The following DENND1A variants were observed in gnomAD, a reference collection of about 807,000 sequenced individuals.
DENND1A encodes DENN domain-containing protein 1A.
In DENND1A, 51 loss-of-function variants were observed where a neutral mutation model predicts 113.7. The ratio of observed to expected loss-of-function variants is 0.45; its 90% CI spans 0.36 to 0.57. The LOEUF (loss-of-function observed/expected upper bound fraction) is 0.57. Among genes scored for constraint, DENND1A ranks in the 20% least tolerant of loss-of-function variants. The pLI is 0.00. For missense variants in DENND1A, 1,258 were observed against 1,395.9 expected, an observed-to-expected ratio of 0.90 and a Z score of 1.57; for synonymous variants, 565 against 570.8, an observed-to-expected ratio of 0.99 and a Z score of 0.14.
intron 5 of DENND1A, among the ~76,000 whole-genome samples, chr9:123,695,626 T>C (rs539106264): frequency 6.9e-4 from 105 of 152,220 alleles, no homozygotes; most frequent in Middle Eastern, 3.4e-3. Flanking sequence ...TCTGATACAA[T>C]CTCTAGTTTC....
intron 2 of DENND1A, among the ~76,000 whole-genome samples, chr9:123,799,045 C>T (rs1056078326): frequency 5.9e-5 from 9 of 152,064 alleles, no homozygotes; most frequent in Non-Finnish European, 8.8e-5. Context: ...TTACTTTATA[C>T]TTTGCCTAAA....
intron 2 of DENND1A, among the ~76,000 whole-genome samples, chr9:123,833,159 GA>G (rs959121345): frequency 6.8e-5 from 6 of 88,462 alleles, no homozygotes; most frequent in African/African-American, 1.7e-4. Context: ...GGAAACGAAA[GA>G]AAAAAAAACA....
Position 123,390,228 on chromosome 9 carries a change from A to G in DENND1A, c.1632-2370T>C, listed in dbSNP as rs550433082. 2.6e-5 allele frequency among the ~76,000 whole-genome samples: 4 copies of G among 152,358 alleles called. No homozygotes were observed. The East Asian group carries it at 5.8e-4, about 22-fold the overall frequency. On this transcript the variant is annotated intron_variant, in intron 21 of 23. Transcript: ENST00000394215. ...TTCTCTTTCTCCCCAGCTGGGGTAC[A>G]GCATGAATGCTGTGGAAGTTTGCGA... is the stretch of plus-strand genomic sequence containing the variant.
At chr9:123,810,510 G>A (rs559777061) in intron 2 of DENND1A, among the ~76,000 whole-genome samples, 17 of 123,452 alleles carry the variant, frequency 1.4e-4, no homozygotes, top group African/African-American at 2.9e-4. Flanking sequence ...TCAAGAGATC[G>A]AGACCAGCCT....
At chr9:123,575,067 A>G (rs1490340602) in intron 12 of DENND1A, among the ~76,000 whole-genome samples, 1 of 152,194 alleles carries the variant, frequency 6.6e-6, no homozygotes, top group African/African-American at 2.4e-5. Flanking sequence ...TGCTGGTCAG[A>G]TATTTTGTAG....
intron 9 of DENND1A, among the ~76,000 whole-genome samples, chr9:123,643,831 G>C (rs1286548939): frequency 2.0e-5 from 3 of 152,228 alleles, no homozygotes; most frequent in Non-Finnish European, 4.4e-5. Flanking sequence ...GCCTAGAGTA[G>C]TGTCAGGCGC....
chr9:123,396,261 A>G (rs1460365906), intron 21 of DENND1A, among the ~76,000 whole-genome samples: 2 of 152,238 alleles, frequency 1.3e-5, no homozygotes, highest in African/African-American at 4.8e-5. Flanking sequence ...ACCAGGAGAC[A>G]TGCCCATAGC....
intron 2 of DENND1A, among the ~76,000 whole-genome samples, chr9:123,819,107 A>G (rs1285717788): frequency 4.6e-5 from 7 of 152,226 alleles, no homozygotes; most frequent in African/African-American, 1.4e-4. Flanking sequence ...GGTGATTATC[A>G]TGCACAGTAA....
intron 9 of DENND1A, among the ~76,000 whole-genome samples, chr9:123,633,132 T>A (rs191699547): frequency 1.8e-4 from 27 of 152,018 alleles, no homozygotes; most frequent in African/African-American, 6.3e-4. Flanking sequence ...GGTCTCAAAC[T>A]CCTGACCTCA....
chr9:123,555,493 T>C (rs963757713), intron 13 of DENND1A, among the ~76,000 whole-genome samples: 2 of 152,204 alleles, frequency 1.3e-5, no homozygotes, highest in Non-Finnish European at 2.9e-5. Flanking sequence ...CTTCCTCAGT[T>C]ACCTCCACCC....
chr9:123,548,353 A>G (rs1310493526), intron 13 of DENND1A, among the ~76,000 whole-genome samples: 1 of 152,220 alleles, frequency 6.6e-6, no homozygotes, highest in Non-Finnish European at 1.5e-5. Context: ...GGTTTTGGCT[A>G]TAATTCCTTA....
chr9:123,905,247 A>G lies in DENND1A; in HGVS notation c.17+24642T>C, dbSNP rs929207705. Among the ~76,000 whole-genome samples the G allele has an allele frequency of 5.3e-5, 8 of 152,180 alleles. 1 individual carries two copies. Among genetic ancestry groups the G allele is most frequent in the Non-Finnish European group, 1.5e-5 (1 of 68,046 alleles). Reference sequence around the variant, plus strand: ...AGGAACAATGGTACCAGCCGCTGCAAAATCATGCCAAAATGTAAAGACCAT... The same window carrying G: ...AGGAACAATGGTACCAGCCGCTGCAGAATCATGCCAAAATGTAAAGACCAT... On this transcript the variant is annotated intron_variant, in intron 1 of 23. Coordinates refer to ENST00000394215, the MANE Select transcript of DENND1A (RefSeq NM_001352964.2).
chr9:123,577,983 C>T (rs913854516), intron 12 of DENND1A, among the ~76,000 whole-genome samples: 1 of 152,190 alleles, frequency 6.6e-6, no homozygotes, highest in African/African-American at 2.4e-5. Context: ...TCAGAACCTG[C>T]AGGATTCCTA....
At chr9:123,605,623 C>T (rs901925298) in intron 11 of DENND1A, among the ~76,000 whole-genome samples, 3 of 152,150 alleles carry the variant, frequency 2.0e-5, no homozygotes, top group African/African-American at 4.8e-5. Context: ...AGAAGAATGG[C>T]GATCAGGTAT....
intron 21 of DENND1A, among the ~76,000 whole-genome samples, chr9:123,393,591 G>A (rs1277935136): frequency 2.0e-5 from 3 of 152,020 alleles, no homozygotes; most frequent in African/African-American, 7.2e-5. Context: ...GTCTCTGGGG[G>A]TACACAGTGG....
intron 11 of DENND1A, among the ~76,000 whole-genome samples, chr9:123,601,655 A>G (rs977873329): frequency 6.6e-6 from 1 of 152,258 alleles, no homozygotes; most frequent in African/African-American, 2.4e-5. Context: ...TTTGCCTCTT[A>G]TTTTTATACT....
At chr9:123,550,882 C>A (rs2057003510) in intron 13 of DENND1A, among the ~76,000 whole-genome samples, 1 of 152,200 alleles carries the variant, frequency 6.6e-6, no homozygotes, top group Non-Finnish European at 1.5e-5. Context: ...CAATTAAACT[C>A]ATTTGTCTTT....
chr9:123,801,712 T>TA (rs1478985090), intron 2 of DENND1A, among the ~76,000 whole-genome samples: 1 of 152,224 alleles, frequency 6.6e-6, no homozygotes, highest in African/African-American at 2.4e-5. Flanking sequence ...TTTAATGTTT[T>TA]AAGAACTTTA....
intron 1 of DENND1A, among the ~76,000 whole-genome samples, chr9:123,894,534 T>G (rs1017780791): frequency 1.3e-5 from 2 of 152,176 alleles, no homozygotes; most frequent in Non-Finnish European, 2.9e-5. Context: ...GGTTTGCAAA[T>G]TGAAGACATC....
Sources: gnomAD v4.1 joint callset for allele counts (sites outside exome capture counted in the v4.1 genomes callset) on GRCh38, gnomAD v4.1.1 for gene constraint, MANE v1.5 for transcripts, NCBI Gene and HGNC (gene_info 2026-07-23, HGNC 2026-07-21) for gene names.